NUDT3: variants seen among roughly 807,000 people sequenced by gnomAD.
NUDT3 encodes the protein diphosphoinositol polyphosphate phosphohydrolase 1.
A neutral mutation model predicts 23.6 loss-of-function variants in NUDT3; 9 were observed. That is an observed-to-expected ratio of 0.38 (90% confidence interval 0.23 to 0.66). The LOEUF is 0.66. NUDT3 is among the 30% of genes least tolerant of loss of function. The pLI, the probability that NUDT3 is intolerant of heterozygous loss-of-function variation, is 0.52. For missense variants in NUDT3, 172 were observed against 218.5 expected, an observed-to-expected ratio of 0.79 and a Z score of 1.34; for synonymous variants, 86 against 82.6, an observed-to-expected ratio of 1.04 and a Z score of -0.22.
At chr6:34,346,678 T>C (rs1020408194) in intron 1 of NUDT3, among the ~76,000 whole-genome samples, 1 of 152,056 alleles carries the variant, frequency 6.6e-6, no homozygotes, top group Admixed American at 6.5e-5. Flanking sequence ...AAGCAAACAC[T>C]GTTACTGGTA....
intron 2 of NUDT3, among the ~76,000 whole-genome samples, chr6:34,336,662 T>TC (rs141545969): frequency 0.094 from 14,278 of 152,164 alleles, 773 homozygotes; most frequent in Non-Finnish European, 0.12. Flanking sequence ...CTAAAGTGCT[T>TC]CCCCCTGTGT....
chr6:34,344,536 G>A (rs1161996668), intron 1 of NUDT3, among the ~76,000 whole-genome samples: 1 of 152,216 alleles, frequency 6.6e-6, no homozygotes, highest in Non-Finnish European at 1.5e-5. Context: ...TGGTTACCAG[G>A]AACTGGGGGA....
intron 1 of NUDT3, among the ~76,000 whole-genome samples, chr6:34,384,164 G>A (rs1389356939): frequency 2.0e-5 from 3 of 152,268 alleles, no homozygotes; most frequent in Non-Finnish European, 2.9e-5. Context: ...AGACAAACAG[G>A]CCACCAGTCT....
chr6:34,319,205 A>T (rs1285816368), intron 2 of NUDT3, among the ~76,000 whole-genome samples: 2 of 152,190 alleles, frequency 1.3e-5, no homozygotes, highest in African/African-American at 4.8e-5. Flanking sequence ...TCAGTTCTGC[A>T]GTGGATGCCA....
chr6:34,353,498 T>C (rs1764510570), intron 1 of NUDT3, among the ~76,000 whole-genome samples: 1 of 150,584 alleles, frequency 6.6e-6, no homozygotes, highest in Non-Finnish European at 1.5e-5. Flanking sequence ...AACTCCGGGG[T>C]TCAAACGATT....
chr6:34,361,946 A>C (rs915551685), intron 1 of NUDT3, among the ~76,000 whole-genome samples: 2 of 152,216 alleles, frequency 1.3e-5, no homozygotes, highest in Non-Finnish European at 2.9e-5. Flanking sequence ...TCCAATCCAT[A>C]GGAAGTACAC....
chr6:34,319,334 A>C (rs572659571), intron 2 of NUDT3, among the ~76,000 whole-genome samples: 1 of 152,332 alleles, frequency 6.6e-6, no homozygotes, highest in South Asian at 2.1e-4. Context: ...CCAGGCCTCT[A>C]GAACTTCTGA....
In NUDT3 at chr6:34,385,838, C is replaced by T. The variant is rs147532659; in HGVS notation, c.99+6426G>A. Among the ~76,000 whole-genome samples the T allele has an allele frequency of 6.8e-4, 104 of 152,216 alleles. 1 individual carries two copies. In the East Asian group the frequency reaches 0.011, roughly 16 times the overall value. ...AGCTGGGACTACAGGCTGCACACCA[C>T]CGTGCCTGGCTAGTTTTGTATTTTC... On this transcript the variant is annotated intron_variant, in intron 1 of 4. Coordinates refer to ENST00000607016, the MANE Select transcript of NUDT3 (RefSeq NM_006703.4).
chr6:34,380,733 T>C (rs553417443), intron 1 of NUDT3, among the ~76,000 whole-genome samples: 2 of 152,268 alleles, frequency 1.3e-5, no homozygotes, highest in African/African-American at 2.4e-5. Flanking sequence ...TTTCTCTCTT[T>C]CTTCCAGCAC....
chr6:34,303,603 T>A (rs1178804763), intron 2 of NUDT3, among the ~76,000 whole-genome samples: 1 of 152,192 alleles, frequency 6.6e-6, no homozygotes, highest in Non-Finnish European at 1.5e-5. Flanking sequence ...AGATACTCTA[T>A]CAGGTTAAGG....
intron 1 of NUDT3, among the ~76,000 whole-genome samples, chr6:34,347,777 A>G (rs560783411): frequency 6.6e-6 from 1 of 152,114 alleles, no homozygotes; most frequent in South Asian, 2.1e-4. Context: ...AAGACCAAAA[A>G]AAGAGTAATT....
At chr6:34,295,209 G>A (rs1225849469) in intron 3 of NUDT3, among the ~76,000 whole-genome samples, 2 of 151,586 alleles carry the variant, frequency 1.3e-5, no homozygotes, top group African/African-American at 2.4e-5. Context: ...GTTATTCTCT[G>A]TTGGTGTTGC....
intron 1 of NUDT3, 120 bp downstream of exon 1, chr6:34,392,144 T>A (rs1765213976): frequency 4.4e-6 from 3 of 682,160 alleles, no homozygotes; most frequent in Admixed American, 3.3e-5. Context: ...CCATCGGAAC[T>A]TCATTCCGCC....
chr6:34,313,249 ATCTG>A (rs1763803000), intron 2 of NUDT3, among the ~76,000 whole-genome samples: 1 of 152,220 alleles, frequency 6.6e-6, no homozygotes, highest in Non-Finnish European at 1.5e-5. Flanking sequence ...GAAGAAGTCA[ATCTG>A]AAAAGGCTAC....
intron 1 of NUDT3, among the ~76,000 whole-genome samples, chr6:34,350,366 A>G (rs755243330): frequency 6.6e-6 from 1 of 150,870 alleles, no homozygotes; most frequent in Non-Finnish European, 1.5e-5. Context: ...TGCTCTGCAA[A>G]TTGCATCTTC....
rs1375787889 is a variant in NUDT3 at position 34,281,063 on chromosome 6, A to C, written c.*7690T>G. ...TGTATATGGATGGCACACCTGGAAAAGGGGAGAAAGCACACTAGTTCATCT... is the reference window on the plus strand; with the variant it reads ...TGTATATGGATGGCACACCTGGAAACGGGGAGAAAGCACACTAGTTCATCT... On this transcript the variant is annotated 3_prime_UTR_variant, in exon 5 of 5. Transcript: ENST00000607016. 1 of 152,216 alleles carries C rather than the reference A, an allele frequency of 6.6e-6. No individual in the cohort carries two copies. Among genetic ancestry groups the C allele is most frequent in the Non-Finnish European group, 1.5e-5 (1 of 68,038 alleles). 9.4% of individuals were successfully genotyped at this position (152,216 alleles called of 1,614,324 possible). A position where few individuals can be genotyped will look rare whatever the true frequency, so the allele number is the denominator to read the frequency against.
chr6:34,345,057 TGTTTC>T (rs1005852287), intron 1 of NUDT3, among the ~76,000 whole-genome samples: 11 of 151,682 alleles, frequency 7.3e-5, no homozygotes, highest in Non-Finnish European at 1.5e-4. Context: ...TGTTTTGTTT[TGTTTC>T]TTTGAGACGG....
chr6:34,387,638 C>T (rs571668947), intron 1 of NUDT3, among the ~76,000 whole-genome samples: 2 of 142,242 alleles, frequency 1.4e-5, no homozygotes, highest in Non-Finnish European at 3.0e-5. Flanking sequence ...AATTCAAGAC[C>T]AGCCTGGGGA....
chr6:34,334,662 C>A (rs922053769), intron 2 of NUDT3, among the ~76,000 whole-genome samples: 1 of 151,828 alleles, frequency 6.6e-6, no homozygotes, highest in Non-Finnish European at 1.5e-5. Flanking sequence ...AAATGGGGAC[C>A]AAGTACAACG....
Sources: gnomAD v4.1 joint callset for allele counts (sites outside exome capture counted in the v4.1 genomes callset) on GRCh38, gnomAD v4.1.1 for gene constraint, MANE v1.5 for transcripts, NCBI Gene and HGNC (gene_info 2026-07-23, HGNC 2026-07-21) for gene names.